Variants in RUNX1 observed in about 807,000 individuals in gnomAD.
RUNX1 encodes runt-related transcription factor 1.
In RUNX1, 19 loss-of-function variants were observed where a neutral mutation model predicts 42.8. The observed-to-expected ratio is 0.44, with a 90% CI of 0.31 to 0.65. The LOEUF (loss-of-function observed/expected upper bound fraction) is 0.65, where lower values mean the gene tolerates loss of function less well. Among genes scored for constraint, RUNX1 ranks in the 30% least tolerant of loss-of-function variants. The probability of loss-of-function intolerance (pLI) is 0.07; values close to 1 mark genes in which losing one functional copy is unlikely to be tolerated. For synonymous variants in RUNX1, 271 were observed against 289.4 expected (o/e 0.94, Z 0.64); for missense variants, 528 against 672.0 (o/e 0.79, Z 2.37).
At chr21:34,817,083 G>A (rs565854707) in intron 7 of RUNX1, among the ~76,000 whole-genome samples, 49 of 152,300 alleles carry the variant, frequency 3.2e-4, no homozygotes, top group African/African-American at 1.1e-3. Context: ...AGGGCTAAGG[G>A]AACCTATGCA....
chr21:34,814,652 A>C (rs1000519190), intron 7 of RUNX1, among the ~76,000 whole-genome samples: 10 of 152,184 alleles, frequency 6.6e-5, no homozygotes, highest in African/African-American at 2.4e-4. Flanking sequence ...GCAATTACCC[A>C]GGCAAACTTT....
chr21:34,885,882 C>T (rs1048462885), intron 4 of RUNX1, among the ~76,000 whole-genome samples: 1 of 152,204 alleles, frequency 6.6e-6, no homozygotes, highest in Admixed American at 6.5e-5. Flanking sequence ...AAAACAGAAT[C>T]TCCACTGCAG....
At chr21:34,886,768 GC>G in intron 4 of RUNX1, 74 bp downstream of exon 4, 1 of 1,605,888 alleles carries the variant, frequency 6.2e-7, no homozygotes. Context: ...CGCCCGCCTG[GC>G]CGCTGCCCTC....
chr21:34,932,169 A>G (rs2058452177), intron 2 of RUNX1, among the ~76,000 whole-genome samples: 1 of 152,030 alleles, frequency 6.6e-6, no homozygotes, highest in African/African-American at 2.4e-5. Context: ...ATTTATAGAG[A>G]GTTGTATTCT....
intron 4 of RUNX1, among the ~76,000 whole-genome samples, chr21:34,882,040 C>G (rs977339448): frequency 1.3e-5 from 2 of 152,196 alleles, no homozygotes; most frequent in Non-Finnish European, 2.9e-5. Context: ...GAATTGGTAA[C>G]AGTAAAGCAT....
intron 2 of RUNX1, among the ~76,000 whole-genome samples, chr21:34,915,986 C>A (rs143515570): frequency 6.6e-6 from 1 of 152,160 alleles, no homozygotes; most frequent in African/African-American, 2.4e-5. Context: ...ATTCAGTAAT[C>A]CATATTCTGA....
At chr21:34,978,979 C>CAG (rs1555911665) in intron 2 of RUNX1, among the ~76,000 whole-genome samples, 6 of 151,570 alleles carry the variant, frequency 4.0e-5, no homozygotes, top group African/African-American at 1.5e-4. Flanking sequence ...CACACACACA[C>CAG]AGCATCTTTG....
At chr21:35,002,082 A>G (rs1406253282) in intron 2 of RUNX1, among the ~76,000 whole-genome samples, 2 of 152,132 alleles carry the variant, frequency 1.3e-5, no homozygotes, top group Admixed American at 1.3e-4. Flanking sequence ...CTAAAGATTC[A>G]GTGTAATCCC....
chr21:34,803,051 C>A (rs1436902929), intron 7 of RUNX1, among the ~76,000 whole-genome samples: 4 of 152,202 alleles, frequency 2.6e-5, no homozygotes, highest in African/African-American at 4.8e-5. Context: ...TGAGACCACA[C>A]ACATTTGCTC....
chr21:34,810,882 G>C (rs1485031715), intron 7 of RUNX1, among the ~76,000 whole-genome samples: 1 of 152,122 alleles, frequency 6.6e-6, no homozygotes, highest in Non-Finnish European at 1.5e-5. Flanking sequence ...GTCTCACAAA[G>C]CCACCAGAAA....
chr21:35,045,770 G>A (rs1038276443), intron 2 of RUNX1, among the ~76,000 whole-genome samples: 2 of 152,156 alleles, frequency 1.3e-5, no homozygotes, highest in East Asian at 1.9e-4. Context: ...GCGGCAAGCC[G>A]ATGCTTAGAG....
Position 34,888,666 on chromosome 21 carries a change from C to T in RUNX1, c.98-1570G>A, listed in dbSNP as rs561110580. ...CTGGGTCCGGCCGCGGGGCGCCCGT[C>T]CCGCCCGCGCCCGCTGGCTCTATGA... On this transcript the variant is annotated intron_variant, in intron 3 of 8. Transcript: ENST00000675419. 147 of 1,045,554 alleles carry T rather than the reference C, an allele frequency of 1.4e-4. No homozygotes were observed. The African/African-American group carries it at 2.4e-3, about 17-fold the overall frequency. 64.8% of individuals were successfully genotyped at this position (1,045,554 alleles called of 1,614,324 possible). A position where few individuals can be genotyped will look rare whatever the true frequency, so the allele number is the denominator to read the frequency against.
chr21:34,934,246 G>A (rs567377909), intron 2 of RUNX1, among the ~76,000 whole-genome samples: 154 of 152,124 alleles, frequency 1.0e-3, no homozygotes, highest in Non-Finnish European at 1.7e-3. Context: ...AAGCATATAA[G>A]CTTTTGAGTC....
chr21:35,006,640 G>A (rs377580153), intron 2 of RUNX1, among the ~76,000 whole-genome samples: 9 of 152,288 alleles, frequency 5.9e-5, no homozygotes, highest in Non-Finnish European at 8.8e-5. Context: ...GCACAGCACC[G>A]CGCACATAAG....
intron 6 of RUNX1, among the ~76,000 whole-genome samples, chr21:34,853,242 G>C (rs1210768604): frequency 1.3e-5 from 2 of 152,046 alleles, no homozygotes; most frequent in Non-Finnish European, 2.9e-5. Flanking sequence ...TGTGTATTAT[G>C]AACTCTGGGG....
Position 34,991,740 on chromosome 21 carries a change from C to T in RUNX1, c.58+57102G>A, listed in dbSNP as rs145778569. On this transcript the variant is annotated intron_variant, in intron 2 of 8. Transcript: ENST00000675419. ...TGTAGTGTTCCCCAAAGTTCATGTC[C>T]ACATAGAACCTCAGAATGTGACCTT... is the stretch of plus-strand genomic sequence containing the variant. Among the ~76,000 whole-genome samples, 217 of 152,292 alleles carry T rather than the reference C, an allele frequency of 1.4e-3. 1 individual carries two copies. The highest frequency in any genetic ancestry group is 4.8e-3 in the African/African-American group (200 of 41,552).
At position 34,831,821 on chromosome 21, in the gene RUNX1, C is replaced by T. The variant is rs541790304; in HGVS notation, c.805+2589G>A. Among the ~76,000 whole-genome samples, 3 of 152,038 alleles carry T rather than the reference C, an allele frequency of 2.0e-5. No homozygotes were observed. The South Asian group carries it at 6.2e-4, about 32-fold the overall frequency. ...GGCTGAACAAGACTTGCATATTATA[C>T]CTGTTAACTTTCCAATTTCAAGAGA... On this transcript the variant is annotated intron_variant, in intron 7 of 8. Transcript: ENST00000675419.
chr21:34,906,948 CTCTT>C (rs1172673766), intron 2 of RUNX1, among the ~76,000 whole-genome samples: 3 of 152,188 alleles, frequency 2.0e-5, no homozygotes, highest in Non-Finnish European at 4.4e-5. Context: ...TGCATTAAAG[CTCTT>C]TATTTAGAGA....
intron 2 of RUNX1, among the ~76,000 whole-genome samples, chr21:34,967,189 A>G (rs539643901): frequency 3.3e-5 from 5 of 151,426 alleles, no homozygotes; most frequent in South Asian, 2.1e-4. Flanking sequence ...GCATGGTGGC[A>G]GGCGCCTGTA....
Sources: gnomAD v4.1 joint callset for allele counts (sites outside exome capture counted in the v4.1 genomes callset) on GRCh38, gnomAD v4.1.1 for gene constraint, MANE v1.5 for transcripts, NCBI Gene and HGNC (gene_info 2026-07-23, HGNC 2026-07-21) for gene names.